The following PREX2 variants were observed in gnomAD, a reference collection of about 807,000 sequenced individuals.
PREX2 encodes phosphatidylinositol-3,4,5-trisphosphate dependent Rac exchange factor 2.
Under a neutral mutation model 203.2 loss-of-function variants are expected in PREX2, and 107 were observed. That is an observed-to-expected ratio of 0.53 (90% CI 0.45 to 0.62). The LOEUF (loss-of-function observed/expected upper bound fraction) is 0.62, where lower values mean the gene tolerates loss of function less well. Ranked by LOEUF, PREX2 falls within the 20% of genes least tolerant of loss-of-function variation. The pLI is 0.00. For missense variants in PREX2, 1,777 were observed against 1,955.9 expected, an observed-to-expected ratio of 0.91 and a Z score of 1.72; for synonymous variants, 672 against 663.6, an observed-to-expected ratio of 1.01 and a Z score of -0.19.
chr8:68,075,547 C>T (rs1809323067), intron 14 of PREX2, among the ~76,000 whole-genome samples: 1 of 152,172 alleles, frequency 6.6e-6, no homozygotes, highest in Non-Finnish European at 1.5e-5. Context: ...CCAGGTATAT[C>T]TGCCTCATTG....
intron 5 of PREX2, among the ~76,000 whole-genome samples, chr8:68,030,103 T>C (rs1258162771): frequency 1.3e-5 from 2 of 152,170 alleles, no homozygotes; most frequent in African/African-American, 4.8e-5. Flanking sequence ...TTTGAAATTA[T>C]GACATACTTA....
intron 31 of PREX2, among the ~76,000 whole-genome samples, chr8:68,133,466 T>G (rs1294687842): frequency 1.3e-5 from 2 of 152,206 alleles, no homozygotes; most frequent in African/African-American, 4.8e-5. Context: ...TTATAGGAAT[T>G]CATATTCTTA....
At chr8:68,161,097 C>CT (rs536376762) in intron 35 of PREX2, among the ~76,000 whole-genome samples, 49 of 149,834 alleles carry the variant, frequency 3.3e-4, no homozygotes, top group East Asian at 9.8e-4. Flanking sequence ...TTCTTTCTTT[C>CT]TTTTTTTTTG....
chr8:67,994,564 T>C (rs910931934), intron 1 of PREX2, among the ~76,000 whole-genome samples: 2 of 152,090 alleles, frequency 1.3e-5, no homozygotes, highest in Non-Finnish European at 2.9e-5. Flanking sequence ...AAACAATTGT[T>C]GGAAAAAAAT....
At chr8:68,159,673 G>A (rs1426629140) in intron 35 of PREX2, among the ~76,000 whole-genome samples, 1 of 151,974 alleles carries the variant, frequency 6.6e-6, no homozygotes, top group Admixed American at 6.6e-5. Context: ...TTTTTAATTG[G>A]CTCTATAAAG....
At chr8:68,047,498 TATATATATACAC>T (rs1335092345) in intron 8 of PREX2, among the ~76,000 whole-genome samples, 7,648 of 67,204 alleles carry the variant, frequency 0.11, 289 homozygotes, top group African/African-American at 0.23. Flanking sequence ...TATATATATA[TATATATATACAC>T]ATACATATAT....
At chr8:68,164,942 C>A in intron 35 of PREX2, among the ~76,000 whole-genome samples, 1 of 143,246 alleles carries the variant, frequency 7.0e-6, no homozygotes, top group Non-Finnish European at 1.5e-5. Context: ...TCAAAAGTCA[C>A]AAAAATATTA....
chr8:68,102,790 T>G, intron 23 of PREX2: 1 of 516,506 alleles, frequency 1.9e-6, no homozygotes, highest in South Asian at 1.4e-5. Flanking sequence ...ACTGCTGCAA[T>G]TATAATAGAT....
In PREX2 at chr8:67,952,303, T is replaced by A; in HGVS notation, c.-92T>A. On this transcript the variant is annotated 5_prime_UTR_variant, in exon 1 of 40. Coordinates refer to ENST00000288368, the MANE Select transcript of PREX2 (RefSeq NM_024870.4). ...TCGGAGTTGGCGGAGGCGGCAACTT[T>A]CCATTCTCGCCGCCGGGGGCCGGGC... 8.5e-7 allele frequency: 1 copy of A among 1,172,148 alleles called. No homozygotes were observed. The highest frequency in any genetic ancestry group is 1.1e-6 in the Non-Finnish European group (1 of 915,540). The allele number at this position is 1,172,148 out of a possible 1,614,324, so 72.6% of individuals were successfully genotyped here. A position where few individuals can be genotyped will look rare whatever the true frequency, so the allele number is the denominator to read the frequency against.
intron 1 of PREX2, among the ~76,000 whole-genome samples, chr8:67,992,589 C>T (rs112613128): frequency 1.3e-3 from 201 of 152,276 alleles, no homozygotes; most frequent in African/African-American, 4.4e-3. Flanking sequence ...ACAGATTTCT[C>T]CTTTGATGTT....
At chr8:68,175,450 A>G (rs1384701676) in intron 35 of PREX2, among the ~76,000 whole-genome samples, 1 of 152,114 alleles carries the variant, frequency 6.6e-6, no homozygotes, top group Non-Finnish European at 1.5e-5. Context: ...ACCATTGAGG[A>G]CAAATTAGGG....
intron 1 of PREX2, among the ~76,000 whole-genome samples, chr8:67,999,456 C>A (rs1806870450): frequency 1.7e-5 from 1 of 58,492 alleles, no homozygotes; most frequent in Non-Finnish European, 3.5e-5. Context: ...AAAATTGAAT[C>A]AGTAATAAAT....
chr8:68,008,738 G>A (rs932713501), intron 1 of PREX2, among the ~76,000 whole-genome samples: 1 of 152,100 alleles, frequency 6.6e-6, no homozygotes, highest in African/African-American at 2.4e-5. Flanking sequence ...TTTTGTGATA[G>A]TGAATAAATC....
In PREX2 at chr8:68,018,200, G is replaced by C. The variant is rs116836742; in HGVS notation, c.213+283G>C. Among the ~76,000 whole-genome samples, 1,152 of 152,108 alleles carry C rather than the reference G, an allele frequency of 7.6e-3. 21 individuals are homozygous for C. Among genetic ancestry groups the C allele is most frequent in the African/African-American group, 0.026 (1,070 of 41,472 alleles). Reference sequence around the variant, plus strand: ...AGAAAAATAAATTGGAGGTGTGGTGGCTTATGCCTGTAATCCCAGCACTTT... The same window carrying C: ...AGAAAAATAAATTGGAGGTGTGGTGCCTTATGCCTGTAATCCCAGCACTTT... On this transcript the variant is annotated intron_variant, in intron 2 of 39. Coordinates refer to ENST00000288368, the MANE Select transcript of PREX2 (RefSeq NM_024870.4).
chr8:68,057,530 A>G (rs1411472320), intron 10 of PREX2, among the ~76,000 whole-genome samples: 1 of 152,176 alleles, frequency 6.6e-6, no homozygotes, highest in African/African-American at 2.4e-5. Flanking sequence ...CAGGCTACAC[A>G]TCTGCCAGTG....
chr8:68,136,983 G>A (rs758310999), intron 32 of PREX2, among the ~76,000 whole-genome samples: 7 of 151,452 alleles, frequency 4.6e-5, no homozygotes, highest in Non-Finnish European at 8.8e-5. Flanking sequence ...TCAGCTCACT[G>A]CGACCTCTGG....
chr8:68,055,437 G>A (rs1308321790), intron 9 of PREX2, among the ~76,000 whole-genome samples: 1 of 147,828 alleles, frequency 6.8e-6, no homozygotes, highest in African/African-American at 2.6e-5. Flanking sequence ...GGTAGGCTGA[G>A]TATGCCTCTA....
At chr8:68,225,119 C>A (rs975945998) in intron 39 of PREX2, among the ~76,000 whole-genome samples, 46 of 152,204 alleles carry the variant, frequency 3.0e-4, no homozygotes, top group African/African-American at 1.1e-3. Flanking sequence ...TTTATCATAT[C>A]TTGTTGCAAT....
intron 35 of PREX2, among the ~76,000 whole-genome samples, chr8:68,170,561 A>G (rs1259959687): frequency 6.6e-6 from 1 of 152,230 alleles, no homozygotes; most frequent in Non-Finnish European, 1.5e-5. Context: ...AAACTGAGCT[A>G]GCAGAAATGC....
Sources: allele counts gnomAD v4.1 joint callset (sites outside exome capture counted in the v4.1 genomes callset), GRCh38; gene constraint gnomAD v4.1.1; transcripts MANE v1.5; gene names NCBI Gene and HGNC (gene_info 2026-07-23, HGNC 2026-07-21).